SMOC2: variants seen among roughly 807,000 people sequenced by gnomAD.
SMOC2 encodes SPARC related modular calcium binding 2, also known as SPARC-related modular calcium-binding protein 2.
SMOC2 carries 39 observed loss-of-function variants against 61.4 expected under a neutral mutation model. The observed-to-expected ratio is 0.64, with a 90% CI of 0.49 to 0.83. The LOEUF (loss-of-function observed/expected upper bound fraction) is 0.83. Among genes scored for constraint, SMOC2 ranks in the 40% least tolerant of loss-of-function variants. The pLI is 0.00. For missense variants in SMOC2, 556 were observed against 592.9 expected (o/e 0.94, Z 0.65); for synonymous variants, 247 against 239.9 (o/e 1.03, Z -0.27).
At chr6:168,617,682 A>G (rs1469773421) in intron 9 of SMOC2, among the ~76,000 whole-genome samples, 2 of 152,182 alleles carry the variant, frequency 1.3e-5, no homozygotes, top group African/African-American at 4.8e-5. Flanking sequence ...ATCCCCATCC[A>G]TGCAGCAAGA....
intron 8 of SMOC2, among the ~76,000 whole-genome samples, chr6:168,599,323 TCACA>T (rs753741019): frequency 2.1e-5 from 2 of 96,822 alleles, no homozygotes; most frequent in Non-Finnish European, 4.0e-5. Context: ...CCACACTGTT[TCACA>T]CACACTCATA....
intron 7 of SMOC2, among the ~76,000 whole-genome samples, chr6:168,582,785 T>TTCTG (rs1784949430): frequency 1.3e-5 from 2 of 152,200 alleles, no homozygotes; most frequent in African/African-American, 4.8e-5. Flanking sequence ...CAGAGCTTAG[T>TTCTG]AACATTCAGA....
intron 1 of SMOC2, among the ~76,000 whole-genome samples, chr6:168,448,708 A>G (rs1781392793): frequency 6.6e-6 from 1 of 151,990 alleles, no homozygotes; most frequent in Non-Finnish European, 1.5e-5. Context: ...CTTTTGCTAA[A>G]CTCCCTCTTC....
rs182075621 is a variant in SMOC2, at chr6:168,535,638, C to T, written c.463+7911C>T. Among the ~76,000 whole-genome samples the T allele has an allele frequency of 6.6e-6, 1 of 152,334 alleles. No homozygotes were observed. Among genetic ancestry groups the T allele is most frequent in the East Asian group, 1.9e-4 (1 of 5,184 alleles). On this transcript the variant is annotated intron_variant, in intron 4 of 12. Transcript: ENST00000356284. The surrounding 1 kb of genome is among the most constrained non-coding windows in gnomAD (Gnocchi z 4.6). ...GTGCCACAAAGTCCACCGAAACCCT[C>T]CTCCAAGTCCATAAATAACATAAAG...
chr6:168,628,875 G>A lies in SMOC2; in HGVS notation c.907+20636G>A, dbSNP rs531827123. 5.9e-5 allele frequency among the ~76,000 whole-genome samples: 9 copies of A among 152,360 alleles called. No individual in the cohort carries two copies. The East Asian group carries it at 7.7e-4, about 13-fold the overall frequency. On this transcript the variant is annotated intron_variant, in intron 9 of 12. Transcript: ENST00000356284. Reference sequence around the variant, plus strand: ...CACTGCTGCAGAGACCACTCTTCTCGGAACACACAGTTTCCGACCTTGGGC... The same window carrying A: ...CACTGCTGCAGAGACCACTCTTCTCAGAACACACAGTTTCCGACCTTGGGC...
intron 9 of SMOC2, among the ~76,000 whole-genome samples, chr6:168,626,266 A>G (rs1786406575): frequency 6.6e-6 from 1 of 152,194 alleles, no homozygotes; most frequent in Admixed American, 6.5e-5. Flanking sequence ...CTCCCTGTGC[A>G]GAAGCAAAGT....
chr6:168,630,659 A>G (rs1454967224), intron 9 of SMOC2, among the ~76,000 whole-genome samples: 13 of 152,232 alleles, frequency 8.5e-5, no homozygotes, highest in Admixed American at 1.3e-4. Context: ...GCCGGGTGGA[A>G]CAGAGCCATA....
intron 8 of SMOC2, among the ~76,000 whole-genome samples, chr6:168,607,869 T>TCCAACCCTGCAACGGGAGGAGG (rs1440562829): frequency 1.8e-3 from 104 of 56,558 alleles, no homozygotes; most frequent in East Asian, 4.0e-3. Flanking sequence ...TGTGGGTGCT[T>TCCAACCCTGCAACGGGAGGAGG]GGCAGCTGCT....
chr6:168,533,805 A>G lies in SMOC2; in HGVS notation c.463+6078A>G, dbSNP rs9456166. Among the ~76,000 whole-genome samples, 214 of 152,372 alleles carry G rather than the reference A, an allele frequency of 1.4e-3. 2 individuals are homozygous for G. Among genetic ancestry groups the G allele is most frequent in the African/African-American group, 4.8e-3 (198 of 41,586 alleles). Reference sequence around the variant, plus strand: ...AAGAAATGTGAAAGAAATTTAAAAGAAAATGTAAAAACAAACAACCTTAAG... The same window carrying G: ...AAGAAATGTGAAAGAAATTTAAAAGGAAATGTAAAAACAAACAACCTTAAG... On this transcript the variant is annotated intron_variant, in intron 4 of 12. Transcript: ENST00000356284.
At chr6:168,485,969 G>A (rs1280025189) in intron 1 of SMOC2, among the ~76,000 whole-genome samples, 1 of 152,184 alleles carries the variant, frequency 6.6e-6, no homozygotes, top group Non-Finnish European at 1.5e-5. Flanking sequence ...ATATTTAACT[G>A]AGTCACAGAA....
chr6:168,552,617 C>T (rs931143878), intron 7 of SMOC2, among the ~76,000 whole-genome samples: 3 of 152,326 alleles, frequency 2.0e-5, no homozygotes, highest in Middle Eastern at 3.4e-3. Context: ...GATGTGGTCA[C>T]ATATGCTTTG....
intron 1 of SMOC2, among the ~76,000 whole-genome samples, chr6:168,477,501 A>T (rs1436777103): frequency 6.6e-6 from 1 of 152,228 alleles, no homozygotes; most frequent in African/African-American, 2.4e-5. Context: ...TCTATTTTCT[A>T]CTAAGAGAAT....
intron 7 of SMOC2, among the ~76,000 whole-genome samples, chr6:168,581,024 C>T (rs550830204): frequency 4.6e-5 from 7 of 152,242 alleles, no homozygotes; most frequent in African/African-American, 7.2e-5. Flanking sequence ...AATGAATGCC[C>T]GTCATAGGCA....
At chr6:168,476,466 CTGTGTGTG>C (rs1191864533) in intron 1 of SMOC2, among the ~76,000 whole-genome samples, 2 of 139,776 alleles carry the variant, frequency 1.4e-5, no homozygotes. Context: ...ATCTTTTATC[CTGTGTGTG>C]TGTGTGTATG....
chr6:168,562,757 G>A (rs1435768003), intron 7 of SMOC2, among the ~76,000 whole-genome samples: 1 of 152,202 alleles, frequency 6.6e-6, no homozygotes, highest in Non-Finnish European at 1.5e-5. Context: ...CGGAAGCGCA[G>A]TGTTTTATCA....
At chr6:168,511,247 C>T (rs1194000519) in intron 2 of SMOC2, among the ~76,000 whole-genome samples, 1 of 152,042 alleles carries the variant, frequency 6.6e-6, no homozygotes, top group Non-Finnish European at 1.5e-5. Context: ...AAAGACATAC[C>T]CAAGACCGGT....
At chr6:168,634,090 A>C (rs1215859544) in intron 9 of SMOC2, among the ~76,000 whole-genome samples, 5 of 152,202 alleles carry the variant, frequency 3.3e-5, no homozygotes, top group Admixed American at 6.5e-5. Flanking sequence ...GGGAACCGTG[A>C]GTCCATTCAA....
chr6:168,554,308 T>A (rs1331914156), intron 7 of SMOC2, among the ~76,000 whole-genome samples: 2 of 152,258 alleles, frequency 1.3e-5, no homozygotes, highest in Non-Finnish European at 1.5e-5. Flanking sequence ...GAAAAACTTG[T>A]CTCGATTTCC....
rs1781195688 is a variant in SMOC2, at chr6:168,441,198, C to T, written c.-173C>T. 3.1e-6 allele frequency: 3 copies of T among 977,578 alleles called. No homozygotes were observed. 60.6% of individuals were successfully genotyped at this position (977,578 alleles called of 1,614,324 possible). A position where few individuals can be genotyped will look rare whatever the true frequency, so the allele number is the denominator to read the frequency against. On this transcript the variant is annotated 5_prime_UTR_variant, in exon 1 of 13. Transcript: ENST00000356284. ...CGGACGCAAAGAACGCGGAGGACCT[C>T]TGGGTGCCTGCAGGGGAGCTGCTCC...
Sources: allele counts gnomAD v4.1 joint callset (sites outside exome capture counted in the v4.1 genomes callset), GRCh38; gene constraint gnomAD v4.1.1; non-coding constraint Gnocchi (gnomAD v3.1); transcripts MANE v1.5; gene names NCBI Gene and HGNC (gene_info 2026-07-23, HGNC 2026-07-21).